The following KCND2 variants were observed in gnomAD, a reference collection of about 807,000 sequenced individuals.
KCND2 encodes potassium voltage-gated channel subfamily D member 2.
Under a neutral mutation model 54.4 loss-of-function variants are expected in KCND2, and 16 were observed. The ratio of observed to expected loss-of-function variants is 0.29; its 90% CI spans 0.20 to 0.45. KCND2 has a LOEUF of 0.45. Ranked by LOEUF, KCND2 falls within the 20% of genes least tolerant of loss-of-function variation. The probability of loss-of-function intolerance (pLI) is 1.00; values close to 1 mark genes in which losing one functional copy is unlikely to be tolerated. For synonymous variants in KCND2, 317 were observed against 310.7 expected (o/e 1.02, Z -0.21); for missense variants, 486 against 824.2 (o/e 0.59, Z 5.02).
At chr7:120,432,341 G>A (rs1801803401) in intron 1 of KCND2, among the ~76,000 whole-genome samples, 1 of 152,138 alleles carries the variant, frequency 6.6e-6, no homozygotes, top group South Asian at 2.1e-4. Context: ...TGTGCTTCTT[G>A]ACACAGACAC....
chr7:120,738,962 T>C (rs1792907926), intron 2 of KCND2, among the ~76,000 whole-genome samples: 1 of 152,026 alleles, frequency 6.6e-6, no homozygotes, highest in Non-Finnish European at 1.5e-5. Context: ...AGAAAAGCCA[T>C]GATTGAAATT....
At chr7:120,325,007 G>A (rs1799953644) in intron 1 of KCND2, among the ~76,000 whole-genome samples, 1 of 129,298 alleles carries the variant, frequency 7.7e-6, no homozygotes, top group East Asian at 2.3e-4. Context: ...CCTTGAAGAG[G>A]TCCTTCACAT....
chr7:120,659,050 T>C (rs1791836572), intron 1 of KCND2, among the ~76,000 whole-genome samples: 1 of 152,200 alleles, frequency 6.6e-6, no homozygotes, highest in South Asian at 2.1e-4. Context: ...GAATAATAAA[T>C]TTTTGTTAGG....
At chr7:120,333,215 A>G (rs1411384483) in intron 1 of KCND2, among the ~76,000 whole-genome samples, 1 of 152,128 alleles carries the variant, frequency 6.6e-6, no homozygotes, top group Admixed American at 6.5e-5. Context: ...AGGGGGTTCA[A>G]GTTATTCCTT....
intron 1 of KCND2, among the ~76,000 whole-genome samples, chr7:120,714,441 C>T (rs538021398): frequency 6.6e-6 from 1 of 152,154 alleles, no homozygotes; most frequent in South Asian, 2.1e-4. Flanking sequence ...TATGAATGAG[C>T]ATTGCAGAAT....
chr7:120,724,995 A>C (rs148447439), intron 1 of KCND2, among the ~76,000 whole-genome samples: 4 of 152,312 alleles, frequency 2.6e-5, no homozygotes, highest in African/African-American at 4.8e-5. Flanking sequence ...TTAGAATGTT[A>C]GGTCAAAATC....
intron 1 of KCND2, among the ~76,000 whole-genome samples, chr7:120,721,536 A>T (rs1191751547): frequency 6.6e-6 from 1 of 152,178 alleles, no homozygotes; most frequent in African/African-American, 2.4e-5. Context: ...TTGTTTAAGG[A>T]TATAGAAACT....
Position 120,279,594 on chromosome 7 carries a change from T to C in KCND2, c.1115+3847T>C, listed in dbSNP as rs1464752570. ...AAAAATTTAATTTGTATTATATATT[T>C]ATCTAAAACAAATACGGTGGCGTTA... On this transcript the variant is annotated intron_variant, in intron 1 of 5. Coordinates refer to ENST00000331113, the MANE Select transcript of KCND2 (RefSeq NM_012281.3). 2.6e-5 allele frequency among the ~76,000 whole-genome samples: 4 copies of C among 152,064 alleles called. No homozygotes were observed. In the East Asian group the frequency reaches 7.7e-4, roughly 29 times the overall value.
intron 1 of KCND2, among the ~76,000 whole-genome samples, chr7:120,426,896 A>T (rs1490518422): frequency 6.6e-6 from 1 of 152,138 alleles, no homozygotes; most frequent in Non-Finnish European, 1.5e-5. Context: ...CTGAGATTAC[A>T]GGCATGAGCC....
chr7:120,715,500 A>G (rs1053745226), intron 1 of KCND2, among the ~76,000 whole-genome samples: 1 of 152,080 alleles, frequency 6.6e-6, no homozygotes, highest in Non-Finnish European at 1.5e-5. Context: ...TGAAGGGTGG[A>G]TGTTCCGTAT....
At chr7:120,679,538 G>T (rs916269106) in intron 1 of KCND2, among the ~76,000 whole-genome samples, 64 of 152,024 alleles carry the variant, frequency 4.2e-4, no homozygotes, top group African/African-American at 1.5e-3. Context: ...GATTTGAAAT[G>T]GATCACAAAA....
intron 1 of KCND2, among the ~76,000 whole-genome samples, chr7:120,706,002 T>C (rs1296214478): frequency 6.6e-6 from 1 of 152,082 alleles, no homozygotes. Context: ...TCACTCCCAG[T>C]TGTGGGATAC....
At chr7:120,466,898 T>G (rs1802378801) in intron 1 of KCND2, among the ~76,000 whole-genome samples, 1 of 152,158 alleles carries the variant, frequency 6.6e-6, no homozygotes. Flanking sequence ...ATTTCTTGGC[T>G]TGTGGCCCCT....
chr7:120,387,294 T>C (rs1801003989), intron 1 of KCND2, among the ~76,000 whole-genome samples: 1 of 152,060 alleles, frequency 6.6e-6, no homozygotes, highest in East Asian at 1.9e-4. Flanking sequence ...ATAAAAATAT[T>C]TTGGTATAAA....
At chr7:120,351,874 G>A (rs970488495) in intron 1 of KCND2, among the ~76,000 whole-genome samples, 1 of 149,742 alleles carries the variant, frequency 6.7e-6, no homozygotes, top group Non-Finnish European at 1.5e-5. Flanking sequence ...GCAGTGGCAC[G>A]ATCTCAGCTC....
At chr7:120,330,107 G>C (rs1800041243) in intron 1 of KCND2, among the ~76,000 whole-genome samples, 1 of 151,970 alleles carries the variant, frequency 6.6e-6, no homozygotes, top group African/African-American at 2.4e-5. Flanking sequence ...ACACTACCTG[G>C]GTTGAAAACT....
At chr7:120,701,000 C>T (rs987101392) in intron 1 of KCND2, among the ~76,000 whole-genome samples, 2 of 152,044 alleles carry the variant, frequency 1.3e-5, no homozygotes, top group African/African-American at 4.8e-5. Flanking sequence ...CTCTCCTACC[C>T]TCAGGGTGTG....
chr7:120,746,178 G>A (rs1793003994), intron 5 of KCND2, 151 bp downstream of exon 5: 1 of 846,628 alleles, frequency 1.2e-6, no homozygotes, highest in Admixed American at 2.0e-5. Flanking sequence ...GTAGGAAAAT[G>A]GTTCTGCTTG....
intron 1 of KCND2, among the ~76,000 whole-genome samples, chr7:120,283,100 T>A (rs1799289404): frequency 6.6e-6 from 1 of 152,174 alleles, no homozygotes; most frequent in Admixed American, 6.6e-5. Flanking sequence ...ATTAAAGTGA[T>A]GAAATGACTT....
Sources: allele counts gnomAD v4.1 joint callset (sites outside exome capture counted in the v4.1 genomes callset), GRCh38; gene constraint gnomAD v4.1.1; transcripts MANE v1.5; gene names NCBI Gene and HGNC (gene_info 2026-07-23, HGNC 2026-07-21).